Variants in DAB1 observed in about 807,000 individuals in gnomAD.
DAB1 encodes the protein disabled homolog 1.
In DAB1, 15 loss-of-function variants were observed where a neutral mutation model predicts 64.6. That is an observed-to-expected ratio of 0.23 (90% CI 0.16 to 0.36). The LOEUF (loss-of-function observed/expected upper bound fraction) is 0.36, where lower values mean the gene tolerates loss of function less well. Ranked by LOEUF, DAB1 falls within the 10% of genes least tolerant of loss-of-function variation. DAB1 has a pLI of 1.00. For synonymous variants in DAB1, 235 were observed against 251.9 expected (o/e 0.93, Z 0.64); for missense variants, 596 against 706.7 (o/e 0.84, Z 1.78).
intron 4 of DAB1, among the ~76,000 whole-genome samples, chr1:58,297,180 C>T (rs1662014071): frequency 6.6e-6 from 1 of 152,094 alleles, no homozygotes; most frequent in African/African-American, 2.4e-5. Flanking sequence ...GCTTCTTTCA[C>T]TTATATTTAA....
chr1:57,814,950 G>C (rs852750), intron 6 of DAB1, among the ~76,000 whole-genome samples: 1 of 152,074 alleles, frequency 6.6e-6, no homozygotes, highest in African/African-American at 2.4e-5. Flanking sequence ...TTGAGGCTAC[G>C]ATGCTGTAGC....
At chr1:57,587,308 G>A (rs1025326049) in intron 7 of DAB1, among the ~76,000 whole-genome samples, 1 of 152,132 alleles carries the variant, frequency 6.6e-6, no homozygotes, top group Non-Finnish European at 1.5e-5. Context: ...GTCTCTAAGG[G>A]ATAATAATAT....
intron 5 of DAB1, among the ~76,000 whole-genome samples, chr1:58,093,207 C>T (rs947734747): frequency 1.8e-4 from 28 of 152,294 alleles, no homozygotes; most frequent in African/African-American, 6.3e-4. Context: ...AGCACTGAAT[C>T]TGACAGCTGG....
rs143703996 is a variant in DAB1, at chr1:58,007,356, C to T, written n.388-123194G>A. Among the ~76,000 whole-genome samples, 661 of 152,312 alleles carry T rather than the reference C, an allele frequency of 4.3e-3. 7 individuals are homozygous for T. The highest frequency in any genetic ancestry group is 0.015 in the African/African-American group (637 of 41,566). ...TTCTGCTTTATGCTAAATGTGGAGACGGCTTTTGCAGCCAAAACATATAAC... is the reference window on the plus strand; with the variant it reads ...TTCTGCTTTATGCTAAATGTGGAGATGGCTTTTGCAGCCAAAACATATAAC... On this transcript the variant is annotated intron_variant and non_coding_transcript_variant, in intron 5 of 20. Coordinates refer to the DAB1 transcript ENST00000485760.
intron 5 of DAB1, among the ~76,000 whole-genome samples, chr1:58,061,489 G>T (rs1019983656): frequency 6.6e-6 from 1 of 152,050 alleles, no homozygotes; most frequent in Non-Finnish European, 1.5e-5. Context: ...CTCTGCCTTC[G>T]TCTTCACATG....
intron 3 of DAB1, among the ~76,000 whole-genome samples, chr1:58,490,885 A>C (rs1297453592): frequency 1.5e-5 from 2 of 134,592 alleles, no homozygotes; most frequent in Non-Finnish European, 3.1e-5. Context: ...GGCTCACAGC[A>C]AGCTCTGCCT....
At chr1:57,547,945 C>G (rs1644873442) in intron 7 of DAB1, among the ~76,000 whole-genome samples, 1 of 152,114 alleles carries the variant, frequency 6.6e-6, no homozygotes. Context: ...AGTATAGTGG[C>G]TGGCACATAA....
intron 3 of DAB1, among the ~76,000 whole-genome samples, chr1:58,414,876 G>A (rs142336377): frequency 1.1e-4 from 17 of 152,106 alleles, no homozygotes; most frequent in East Asian, 3.9e-4. Context: ...CAAAGATCTC[G>A]GTTAAGGAAA....
At position 57,715,633 on chromosome 1, in the gene DAB1, A is replaced by G. The variant is rs78860883; in HGVS notation, n.552-65968T>C. Reference sequence around the variant, plus strand: ...AACATATAATATTGGTAGCATTTCAATATGCCAATAATGAACTATCTAGAA... The same window carrying G: ...AACATATAATATTGGTAGCATTTCAGTATGCCAATAATGAACTATCTAGAA... On this transcript the variant is annotated intron_variant and non_coding_transcript_variant, in intron 6 of 20. Transcript: ENST00000485760. Among the ~76,000 whole-genome samples the G allele has an allele frequency of 4.6e-3, 700 of 152,336 alleles. 7 individuals are homozygous for G. Among genetic ancestry groups the G allele is most frequent in the African/African-American group, 0.016 (661 of 41,582 alleles).
At chr1:57,089,375 C>A (rs1224826633) in intron 4 of DAB1, among the ~76,000 whole-genome samples, 1 of 152,074 alleles carries the variant, frequency 6.6e-6, no homozygotes, top group Non-Finnish European at 1.5e-5. Flanking sequence ...TAATTTATAA[C>A]AAAAAGATAC....
At chr1:58,509,600 GA>G (rs36019471) in intron 2 of DAB1, among the ~76,000 whole-genome samples, 84 of 96,534 alleles carry the variant, frequency 8.7e-4, no homozygotes, top group African/African-American at 1.5e-3. Context: ...TACCAAAAAA[GA>G]AAAAAAAAAA....
intron 5 of DAB1, among the ~76,000 whole-genome samples, chr1:58,102,868 C>T (rs1312715201): frequency 6.6e-6 from 1 of 152,150 alleles, no homozygotes; most frequent in Non-Finnish European, 1.5e-5. Flanking sequence ...ACAGTAACCT[C>T]AGGAAAATGC....
intron 2 of DAB1, among the ~76,000 whole-genome samples, chr1:57,246,554 T>G (rs1668893304): frequency 6.6e-6 from 1 of 152,176 alleles, no homozygotes; most frequent in Admixed American, 6.5e-5. Flanking sequence ...AGGGAAAAAG[T>G]GGGGTTGGAG....
At chr1:58,084,154 T>C (rs2100597959) in intron 5 of DAB1, among the ~76,000 whole-genome samples, 1 of 152,322 alleles carries the variant, frequency 6.6e-6, no homozygotes, top group East Asian at 1.9e-4. Flanking sequence ...TAAACCTTGA[T>C]TTCCTCATCA....
chr1:57,686,069 T>C (rs534280599), intron 6 of DAB1, among the ~76,000 whole-genome samples: 2 of 149,946 alleles, frequency 1.3e-5, no homozygotes, highest in East Asian at 2.0e-4. Flanking sequence ...TAGAGAAGAA[T>C]TGAAATTGAG....
At chr1:57,212,844 T>C (rs1189668912) in intron 2 of DAB1, among the ~76,000 whole-genome samples, 2 of 152,162 alleles carry the variant, frequency 1.3e-5, no homozygotes, top group African/African-American at 2.4e-5. Flanking sequence ...GTGTTAGAGT[T>C]TGGACTCAAG....
At chr1:57,451,489 G>A (rs1337891735) in intron 7 of DAB1, among the ~76,000 whole-genome samples, 2 of 152,034 alleles carry the variant, frequency 1.3e-5, no homozygotes, top group Non-Finnish European at 2.9e-5. Flanking sequence ...GTGATGTGTA[G>A]GACAAAGAAG....
intron 1 of DAB1, among the ~76,000 whole-genome samples, chr1:57,303,620 A>C (rs1673861704): frequency 1.3e-5 from 2 of 152,204 alleles, no homozygotes. Flanking sequence ...AGAAGTTGTG[A>C]GTTAGCAGAA....
chr1:57,645,818 C>A (rs1646185677), intron 7 of DAB1, among the ~76,000 whole-genome samples: 1 of 152,056 alleles, frequency 6.6e-6, no homozygotes, highest in Admixed American at 6.5e-5. Context: ...CCACTGCCAC[C>A]AAAAATAACA....
Sources: allele counts gnomAD v4.1 joint callset (sites outside exome capture counted in the v4.1 genomes callset), GRCh38; gene constraint gnomAD v4.1.1; transcripts MANE v1.5; gene names NCBI Gene and HGNC (gene_info 2026-07-23, HGNC 2026-07-21).